The following DHX30 variants were observed in gnomAD, a reference collection of about 807,000 sequenced individuals.
The protein encoded by DHX30 is ATP-dependent RNA helicase DHX30.
In DHX30, 4 loss-of-function variants were observed where a neutral mutation model predicts 116.9. The ratio of observed to expected loss-of-function variants is 0.03; its 90% CI spans 0.02 to 0.08. The LOEUF is 0.08. Ranked by LOEUF, DHX30 falls within the 10% of genes least tolerant of loss-of-function variation. The probability of loss-of-function intolerance (pLI) is 1.00; values close to 1 mark genes in which losing one functional copy is unlikely to be tolerated. For synonymous variants in DHX30, 697 were observed against 651.7 expected (o/e 1.07, Z -1.06); for missense variants, 871 against 1,595.1 (o/e 0.55, Z 7.73).
At chr3:47,813,819 C>T (rs1191091736) in intron 3 of DHX30, among the ~76,000 whole-genome samples, 1 of 151,662 alleles carries the variant, frequency 6.6e-6, no homozygotes, top group African/African-American at 2.4e-5. Flanking sequence ...CATGTCCCTG[C>T]CTCCTTGTGT....
chr3:47,838,461 C>T (rs2037222309), intron 6 of DHX30, among the ~76,000 whole-genome samples: 1 of 152,104 alleles, frequency 6.6e-6, no homozygotes, highest in East Asian at 1.9e-4. Context: ...CCTTTCTGAC[C>T]CACCTTAGTT....
intron 4 of DHX30, chr3:47,824,640 T>TG (rs934722843): frequency 6.1e-6 from 1 of 162,724 alleles, no homozygotes; most frequent in Admixed American, 6.4e-5. Flanking sequence ...TTAAATAAGA[T>TG]GGGGCTGCCA....
At position 47,845,947 on chromosome 3, in the gene DHX30, C is replaced by T. The variant is rs1018299432; in HGVS notation, c.1092+95C>T. 6.0e-6 allele frequency: 9 copies of T among 1,504,472 alleles called. No individual in the cohort carries two copies. In the African/African-American group the frequency reaches 9.7e-5, roughly 16 times the overall value. The allele number at this position is 1,504,472 out of a possible 1,614,324, so 93.2% of individuals were successfully genotyped here. A position where few individuals can be genotyped will look rare whatever the true frequency, so the allele number is the denominator to read the frequency against. ...CTCCACCTGCGACAGGCAGTAGTAC[C>T]TCCCCATTCTCTTCACTGAGTTTGG... is the stretch of plus-strand genomic sequence containing the variant. On this transcript the variant is annotated intron_variant, in intron 10 of 21. Transcript: ENST00000445061.
chr3:47,825,472 G>A (rs2036511940), intron 4 of DHX30, among the ~76,000 whole-genome samples: 1 of 152,246 alleles, frequency 6.6e-6, no homozygotes. Context: ...GAATAGGTGA[G>A]AGGTGCGAGA....
intron 6 of DHX30, among the ~76,000 whole-genome samples, chr3:47,835,827 T>A (rs2037087408): frequency 6.6e-6 from 1 of 152,242 alleles, no homozygotes; most frequent in Non-Finnish European, 1.5e-5. Context: ...ATGCCTTTTT[T>A]TCTTGTCTGC....
Position 47,850,020 on chromosome 3 carries a change from C to G in DHX30, c.3485C>G (p.Pro1162Arg). The change falls in exon 22 of 22, where the codon CCC (proline) becomes CGC (arginine). Residue 1162 changes from proline (P) to arginine (R), a missense_variant. Coordinates refer to ENST00000445061, the MANE Select transcript of DHX30 (RefSeq NM_138615.3). Reference sequence around the variant, plus strand: ...CGCAGCGAGCTGGCTGCACTTCCCCCCAGCGTACAGGAGGAGCACGGGCAG... The same window carrying G: ...CGCAGCGAGCTGGCTGCACTTCCCCGCAGCGTACAGGAGGAGCACGGGCAG... The part of the protein sequence containing the change: ...SLRSELAALP[P>R]SVQEEHGQLL... The G allele has an allele frequency of 3.1e-6, 5 of 1,610,414 alleles. No individual in the cohort carries two copies. Among genetic ancestry groups the G allele is most frequent in the Non-Finnish European group, 4.2e-6 (5 of 1,179,130 alleles).
chr3:47,841,605 T>C lies in DHX30; in HGVS notation c.669-12T>C. 1 of 1,614,126 alleles carries C rather than the reference T, an allele frequency of 6.2e-7. No homozygotes were observed. Among genetic ancestry groups the C allele is most frequent in the Non-Finnish European group, 8.5e-7 (1 of 1,179,974 alleles). On this transcript the variant is annotated splice_polypyrimidine_tract_variant and intron_variant, in intron 7 of 21. Transcript: ENST00000445061. ...GAGAGAATTCTTTCAGTTAAACTTT[T>C]GGTCCTCCCAGGGGGAGTTCCTTTG...
chr3:47,819,365 C>T (rs561278788), intron 4 of DHX30: 111 of 1,098,200 alleles, frequency 1.0e-4, no homozygotes, highest in Non-Finnish European at 1.3e-4. Context: ...CTTGAGCACA[C>T]GCGGAGGAGA....
At chr3:47,822,027 A>C (rs1175127057) in intron 4 of DHX30, 1 of 152,258 alleles carries the variant, frequency 6.6e-6, no homozygotes, top group Non-Finnish European at 1.5e-5. Flanking sequence ...GAATGAAAGC[A>C]GTCATAGATA....
intron 6 of DHX30, among the ~76,000 whole-genome samples, chr3:47,833,563 G>T (rs950581560): frequency 1.4e-4 from 16 of 112,326 alleles, no homozygotes; most frequent in East Asian, 2.9e-4. Context: ...AAAAAAGAAA[G>T]AGCACCTAAA....
rs760968270 is a variant in DHX30 at position 47,848,980 on chromosome 3, G to A, written c.2830G>A (p.Ala944Thr). 8.7e-6 allele frequency: 14 copies of A among 1,613,312 alleles called. No individual in the cohort carries two copies. Among genetic ancestry groups the A allele is most frequent in the African/African-American group, 2.7e-5 (2 of 74,910 alleles). The change falls in exon 18 of 22, where the codon GCC becomes ACC. Residue 944 changes from alanine to threonine, a missense_variant. Around this residue, in one of 13 missense-constraint regions of DHX30, gnomAD observed 238 missense variants for 481.0 expected, o/e 0.49. Transcript: ENST00000445061. This position sits in a 1 kb window ranked among gnomAD's most constrained non-coding sequence, Gnocchi z 9.4. Reference sequence around the variant, plus strand: ...CCACCTGGCCTTTGTGCGGGCTGTCGCCGGCTGGGAGGAGGTGCTGCGTTG... The same window carrying A: ...CCACCTGGCCTTTGTGCGGGCTGTCACCGGCTGGGAGGAGGTGCTGCGTTG... The part of the protein sequence containing the change: ...SDHLAFVRAV[A>T]GWEEVLRWQD...
intron 5 of DHX30, 68 bp downstream of exon 5, chr3:47,827,545 C>A: frequency 6.5e-7 from 1 of 1,543,352 alleles, no homozygotes; most frequent in Non-Finnish European, 8.7e-7. Context: ...TCCTTTCTGT[C>A]TTAGGTTTCT....
chr3:47,823,692 C>A (rs1356061595), intron 4 of DHX30, among the ~76,000 whole-genome samples: 2 of 152,058 alleles, frequency 1.3e-5, no homozygotes, highest in Admixed American at 6.6e-5. Flanking sequence ...ATCTAAACAT[C>A]TGTTCAACAC....
rs370088500 is a variant in DHX30 at position 47,846,728 on chromosome 3, C to T, written c.1656C>T (p.Gly552=). The part of the protein sequence containing the change: ...RKLQSNPSLE[G]VSHVIVDEVH... ...TGCAGAGCAACCCCAGCCTGGAGGG[C>T]GTGAGCCACGTCATCGTGGATGAGG... is the stretch of plus-strand genomic sequence containing the variant. Residue 552 remains glycine (G), a synonymous_variant, in exon 11 of 22, where the codon GGC becomes GGT. Transcript: ENST00000445061. The T allele has an allele frequency of 5.0e-6, 8 of 1,613,976 alleles. No individual in the cohort carries two copies. The highest frequency in any genetic ancestry group is 1.3e-5 in the African/African-American group (1 of 75,070).
At chr3:47,816,181 C>T (rs114279211) in intron 3 of DHX30, 11,806 of 977,256 alleles carry the variant, frequency 0.012, 128 homozygotes, top group South Asian at 0.045. Flanking sequence ...AAAAATCACA[C>T]ATCTATAATA....
chr3:47,803,562 T>TC (rs1425150357), intron 1 of DHX30, among the ~76,000 whole-genome samples: 1 of 152,190 alleles, frequency 6.6e-6, no homozygotes, highest in East Asian at 1.9e-4. Flanking sequence ...ATGCGCCGTT[T>TC]CCCCAGGCAG....
intron 6 of DHX30, among the ~76,000 whole-genome samples, chr3:47,839,280 C>CTTT (rs59932351): frequency 1.2e-4 from 15 of 129,802 alleles, no homozygotes; most frequent in East Asian, 2.2e-4. Flanking sequence ...CTTATATTCT[C>CTTT]TTTTTTTTTT....
chr3:47,810,752 A>G, intron 3 of DHX30, 41 bp downstream of exon 3: 2 of 1,599,890 alleles, frequency 1.3e-6, no homozygotes, highest in Non-Finnish European at 1.7e-6. Flanking sequence ...GCCCTTCCTT[A>G]TTGGGATGGG....
At chr3:47,841,858 G>A in intron 8 of DHX30, 121 bp downstream of exon 8, 1 of 1,393,188 alleles carries the variant, frequency 7.2e-7, no homozygotes, top group Non-Finnish European at 1.0e-6. Flanking sequence ...ACCTAGGCCA[G>A]GTGGAGGAAC....
Sources: gnomAD v4.1 joint callset for allele counts (sites outside exome capture counted in the v4.1 genomes callset) on GRCh38, gnomAD v4.1.1 for gene constraint, gnomAD v4.1.1 regional missense constraint, Gnocchi (gnomAD v3.1) non-coding constraint, MANE v1.5 for transcripts, NCBI Gene and HGNC (gene_info 2026-07-23, HGNC 2026-07-21) for gene names.